LYRM4: variants seen among roughly 807,000 people sequenced by gnomAD.
The protein encoded by LYRM4 is LYR motif-containing protein 4.
LYRM4 carries 9 observed loss-of-function variants against 11.7 expected under a neutral mutation model. That is an observed-to-expected ratio of 0.77 (90% confidence interval 0.46 to 1.34). LYRM4 has a LOEUF of 1.34. LYRM4 is among the 40% of genes most tolerant of loss of function. The probability of loss-of-function intolerance (pLI) is 0.00; values close to 1 mark genes in which losing one functional copy is unlikely to be tolerated. For synonymous variants in LYRM4, 42 were observed against 40.4 expected (o/e 1.04, Z -0.15); for missense variants, 133 against 112.5 (o/e 1.18, Z -0.82).
chr6:5,156,418 T>G (rs550001043), intron 2 of LYRM4, among the ~76,000 whole-genome samples: 1 of 152,230 alleles, frequency 6.6e-6, no homozygotes, highest in East Asian at 1.9e-4. Flanking sequence ...GCCTGTGCAT[T>G]TGCTATACTG....
intron 1 of LYRM4, among the ~76,000 whole-genome samples, chr6:5,252,129 G>C (rs1019948507): frequency 1.3e-5 from 2 of 152,206 alleles, no homozygotes; most frequent in African/African-American, 4.8e-5. Flanking sequence ...AAACTAGGGA[G>C]CCTGTTTAAC....
At chr6:5,146,402 GA>G (rs2127632222) in intron 2 of LYRM4, among the ~76,000 whole-genome samples, 1 of 152,150 alleles carries the variant, frequency 6.6e-6, no homozygotes, top group Admixed American at 6.5e-5. Context: ...TTTTATTGGT[GA>G]AAAAACAGAA....
chr6:5,051,771 G>A, the LYRM4 span, among the ~76,000 whole-genome samples: 1 of 152,090 alleles, frequency 6.6e-6, no homozygotes, highest in Admixed American at 6.5e-5. Context: ...TCTCATGTCT[G>A]GAAAAGTTCA....
chr6:5,109,496 AG>A lies in LYRM4; in HGVS notation c.208-6del, dbSNP rs779637786. On this transcript the variant is annotated splice_region_variant and splice_polypyrimidine_tract_variant and intron_variant, in intron 2 of 2. Coordinates refer to ENST00000330636, the MANE Select transcript of LYRM4 (RefSeq NM_020408.6). ...ATACAGTTGGCCAATGTGGACCTGA[AG>A]GCAAAGAAAGGACACAGGTCAGGAA... 6.2e-7 allele frequency: 1 copy of A among 1,613,698 alleles called. No individual in the cohort carries two copies. Among genetic ancestry groups the A allele is most frequent in the East Asian group, 2.2e-5 (1 of 44,874 alleles).
intron 1 of LYRM4, chr6:5,218,416 G>A: frequency 1.0e-6 from 1 of 982,236 alleles, no homozygotes; most frequent in African/African-American, 1.7e-5. Flanking sequence ...ATCTTAAAAA[G>A]GACAAATTGT....
the LYRM4 span, chr6:5,066,636 A>G: frequency 2.5e-6 from 3 of 1,189,260 alleles, no homozygotes; most frequent in South Asian, 2.4e-5. Context: ...TTTGGCACCA[A>G]TTTCAAGTAA....
intron 2 of LYRM4, among the ~76,000 whole-genome samples, chr6:5,155,078 C>A (rs1758331347): frequency 6.6e-6 from 1 of 151,964 alleles, no homozygotes; most frequent in Non-Finnish European, 1.5e-5. Flanking sequence ...TGAGACGGAT[C>A]TTTTATTATT....
chr6:5,181,275 T>C (rs981101922), intron 2 of LYRM4, among the ~76,000 whole-genome samples: 11 of 152,192 alleles, frequency 7.2e-5, no homozygotes, highest in East Asian at 1.9e-4. Flanking sequence ...TAGCTCTCAT[T>C]TGTCCTCTCC....
At chr6:5,078,492 C>T in the LYRM4 span, among the ~76,000 whole-genome samples, 83 of 152,140 alleles carry the variant, frequency 5.5e-4, 1 homozygote, top group Admixed American at 5.4e-3. Flanking sequence ...GTGTTTAGTA[C>T]ACGGTGACCA....
intron 2 of LYRM4, among the ~76,000 whole-genome samples, chr6:5,120,657 G>T (rs1278800581): frequency 6.6e-6 from 1 of 152,040 alleles, no homozygotes. Flanking sequence ...AGTGCTGATT[G>T]GTCCATTTTA....
chr6:5,257,846 G>C (rs1454966432), intron 1 of LYRM4, among the ~76,000 whole-genome samples: 1 of 152,184 alleles, frequency 6.6e-6, no homozygotes, highest in African/African-American at 2.4e-5. Flanking sequence ...GGATAGCTGT[G>C]ATATAGCACT....
chr6:5,240,576 T>C (rs1763817388), intron 1 of LYRM4: 1 of 151,158 alleles, frequency 6.6e-6, no homozygotes, highest in Admixed American at 6.6e-5. Flanking sequence ...TGGGGAGGAG[T>C]GGAGTTCCAA....
chr6:5,088,711 CT>C, the LYRM4 span: 15 of 152,202 alleles, frequency 9.9e-5, no homozygotes, highest in Non-Finnish European at 2.1e-4. Context: ...AGCATTTAGA[CT>C]TTAGTGAGCT....
the LYRM4 span, among the ~76,000 whole-genome samples, chr6:5,096,602 G>A: frequency 6.6e-6 from 1 of 152,180 alleles, no homozygotes; most frequent in African/African-American, 2.4e-5. Flanking sequence ...ACTGGCTCTA[G>A]GACAGCCAGG....
the LYRM4 span, chr6:5,086,060 C>A: frequency 2.0e-6 from 3 of 1,475,854 alleles, no homozygotes; most frequent in Non-Finnish European, 2.7e-6. Context: ...CCCCTTTCAG[C>A]GCCGCCTTCC....
chr6:5,195,524 C>T (rs1228957917), intron 2 of LYRM4, among the ~76,000 whole-genome samples: 1 of 152,162 alleles, frequency 6.6e-6, no homozygotes. Flanking sequence ...GTCCCAGCTA[C>T]TCAGGAGGCT....
At chr6:5,187,421 T>TTAGA (rs1224426402) in intron 2 of LYRM4, among the ~76,000 whole-genome samples, 2 of 152,234 alleles carry the variant, frequency 1.3e-5, no homozygotes, top group Non-Finnish European at 2.9e-5. Context: ...AAGTGGCTAA[T>TTAGA]TAGATAGATT....
chr6:5,219,081 A>G (rs749805553), intron 1 of LYRM4, among the ~76,000 whole-genome samples: 11 of 152,166 alleles, frequency 7.2e-5, no homozygotes, highest in Non-Finnish European at 1.5e-4. Flanking sequence ...CGTATGCTGC[A>G]TGGGCTTCTT....
downstream of LYRM4, chr6:5,104,312 T>C (rs540108334): frequency 6.6e-6 from 1 of 152,236 alleles, no homozygotes. Context: ...TATCACTCTG[T>C]CATCCAGGCT....
Sources: allele counts gnomAD v4.1 joint callset (sites outside exome capture counted in the v4.1 genomes callset), GRCh38; gene constraint gnomAD v4.1.1; transcripts MANE v1.5; gene names NCBI Gene and HGNC (gene_info 2026-07-23, HGNC 2026-07-21).